PCDH15: variants seen among roughly 807,000 people sequenced by gnomAD.
PCDH15 encodes protocadherin related 15.
In PCDH15, 129 loss-of-function variants were observed where a neutral mutation model predicts 178.5. That is an observed-to-expected ratio of 0.72 (90% confidence interval 0.63 to 0.84). The LOEUF is 0.84. Among genes scored for constraint, PCDH15 ranks in the 40% least tolerant of loss-of-function variants. The probability of loss-of-function intolerance (pLI) is 0.00; values close to 1 mark genes in which losing one functional copy is unlikely to be tolerated. For synonymous variants in PCDH15, 800 were observed against 732.0 expected (o/e 1.09, Z -1.50); for missense variants, 2,230 against 2,099.9 (o/e 1.06, Z -1.21).
intron 2 of PCDH15, among the ~76,000 whole-genome samples, chr10:55,032,332 C>CA (rs959535726): frequency 3.9e-5 from 6 of 151,998 alleles, no homozygotes; most frequent in African/African-American, 9.7e-5. Flanking sequence ...GGATATCTGA[C>CA]AAAAAAATAT....
At chr10:54,490,078 T>C (rs1283010796) in intron 3 of PCDH15, among the ~76,000 whole-genome samples, 2 of 152,206 alleles carry the variant, frequency 1.3e-5, no homozygotes, top group African/African-American at 4.8e-5. Flanking sequence ...AAGAGAAATG[T>C]TGAGTGGCTA....
chr10:54,674,836 G>T (rs1185242981), intron 1 of PCDH15, among the ~76,000 whole-genome samples: 1 of 151,978 alleles, frequency 6.6e-6, no homozygotes, highest in East Asian at 1.9e-4. Context: ...AGGGTCAATT[G>T]TGTGTAATTT....
chr10:54,379,232 A>G (rs374373435), intron 3 of PCDH15, among the ~76,000 whole-genome samples: 1 of 152,052 alleles, frequency 6.6e-6, no homozygotes. Context: ...CCCATCTATC[A>G]CTTCTCACAG....
intron 2 of PCDH15, among the ~76,000 whole-genome samples, chr10:54,559,850 T>TAGA (rs1555057090): frequency 6.8e-5 from 5 of 73,102 alleles, no homozygotes; most frequent in African/African-American, 1.4e-4. Context: ...TGTCTTATAG[T>TAGA]AAAAAAAAAA....
intron 15 of PCDH15, among the ~76,000 whole-genome samples, chr10:54,109,525 T>G (rs1175297799): frequency 6.6e-6 from 1 of 152,198 alleles, no homozygotes; most frequent in Non-Finnish European, 1.5e-5. Context: ...TTCAAAAACA[T>G]GATTGATCTG....
intron 2 of PCDH15, chr10:54,641,221 A>G (rs2093980009): frequency 1.3e-5 from 2 of 156,966 alleles, no homozygotes; most frequent in African/African-American, 2.4e-5. Context: ...ATCATAAAAC[A>G]ATTGCATTTG....
chr10:54,417,879 G>A (rs1775468757), intron 3 of PCDH15, among the ~76,000 whole-genome samples: 1 of 152,036 alleles, frequency 6.6e-6, no homozygotes, highest in Non-Finnish European at 1.5e-5. Flanking sequence ...AGTGGTTATG[G>A]TTCACAGGTA....
intron 3 of PCDH15, among the ~76,000 whole-genome samples, chr10:54,467,831 G>C (rs1426633748): frequency 6.6e-6 from 1 of 151,466 alleles, no homozygotes; most frequent in Non-Finnish European, 1.5e-5. Flanking sequence ...TTTTATTGTT[G>C]ATGTAATCTT....
chr10:54,079,120 T>C (rs1483149060), intron 17 of PCDH15, among the ~76,000 whole-genome samples: 2 of 152,208 alleles, frequency 1.3e-5, no homozygotes, highest in African/African-American at 4.8e-5. Context: ...CAAGTATCTG[T>C]TCTGTCAAGT....
intron 2 of PCDH15, among the ~76,000 whole-genome samples, chr10:55,137,186 T>C (rs947094786): frequency 1.3e-5 from 2 of 152,182 alleles, no homozygotes; most frequent in Non-Finnish European, 2.9e-5. Flanking sequence ...ATTACAATCA[T>C]GTACCTATGA....
intron 1 of PCDH15, among the ~76,000 whole-genome samples, chr10:54,794,867 A>T (rs367848605): frequency 7.9e-5 from 12 of 152,064 alleles, no homozygotes; most frequent in African/African-American, 1.7e-4. Context: ...ATAGTCAAAC[A>T]GTAGTAATAA....
At chr10:54,301,121 C>A (rs1482763217) in intron 8 of PCDH15, among the ~76,000 whole-genome samples, 3 of 125,722 alleles carry the variant, frequency 2.4e-5, no homozygotes, top group African/African-American at 7.8e-5. Flanking sequence ...TCCAGACAGA[C>A]CATCTTTAAG....
At chr10:55,325,370 C>A (rs901127496) in intron 2 of PCDH15, among the ~76,000 whole-genome samples, 1 of 151,968 alleles carries the variant, frequency 6.6e-6, no homozygotes, top group Non-Finnish European at 1.5e-5. Flanking sequence ...CAGAAACAGA[C>A]ACATAGACCA....
At chr10:54,901,541 C>G (rs566605297) in intron 2 of PCDH15, among the ~76,000 whole-genome samples, 1 of 152,124 alleles carries the variant, frequency 6.6e-6, no homozygotes, top group African/African-American at 2.4e-5. Context: ...AACTGACATA[C>G]ACACATATAT....
At chr10:55,197,636 A>C (rs918242824) in intron 1 of PCDH15, among the ~76,000 whole-genome samples, 1 of 152,092 alleles carries the variant, frequency 6.6e-6, no homozygotes, top group Admixed American at 6.5e-5. Context: ...GTGGCTACAT[A>C]ATAGAAGCAG....
intron 2 of PCDH15, among the ~76,000 whole-genome samples, chr10:54,655,298 G>GAGAC (rs1555126825): frequency 3.0e-4 from 34 of 112,600 alleles, no homozygotes; most frequent in Non-Finnish European, 5.1e-4. Flanking sequence ...GAGAGAGAGA[G>GAGAC]AGAGACAGAG....
intron 24 of PCDH15, among the ~76,000 whole-genome samples, chr10:53,940,463 A>G (rs1435155293): frequency 6.6e-6 from 1 of 152,180 alleles, no homozygotes; most frequent in Non-Finnish European, 1.5e-5. Flanking sequence ...GGATTAGTTA[A>G]GGTATGACCA....
At chr10:53,878,181 G>GCACACA (rs71004486) in intron 26 of PCDH15, among the ~76,000 whole-genome samples, 6,592 of 124,800 alleles carry the variant, frequency 0.053, 258 homozygotes, top group African/African-American at 0.095. Flanking sequence ...CTATACTATG[G>GCACACA]CACACACACA....
chr10:54,796,574 T>A (rs1312393344), intron 1 of PCDH15, among the ~76,000 whole-genome samples: 1 of 151,960 alleles, frequency 6.6e-6, no homozygotes, highest in Non-Finnish European at 1.5e-5. Context: ...TCTCAACCTA[T>A]CTCCACTTCT....
Sources: allele counts gnomAD v4.1 joint callset (sites outside exome capture counted in the v4.1 genomes callset), GRCh38; gene constraint gnomAD v4.1.1; transcripts MANE v1.5; gene names NCBI Gene and HGNC (gene_info 2026-07-23, HGNC 2026-07-21).